The following BABAM2 variants were observed in gnomAD, a reference collection of about 807,000 sequenced individuals.
BABAM2 encodes BRISC and BRCA1-A complex member 2.
Under a neutral mutation model 54.7 loss-of-function variants are expected in BABAM2, and 31 were observed. The ratio of observed to expected loss-of-function variants is 0.57; its 90% CI spans 0.43 to 0.77. The LOEUF is 0.77. Among genes scored for constraint, BABAM2 ranks in the 30% least tolerant of loss-of-function variants. The probability of loss-of-function intolerance (pLI) is 0.00; values close to 1 mark genes in which losing one functional copy is unlikely to be tolerated. For synonymous variants in BABAM2, 167 were observed against 162.9 expected (o/e 1.03, Z -0.19); for missense variants, 364 against 455.8 (o/e 0.80, Z 1.83).
chr2:28,197,889 G>C (rs1448453202), intron 7 of BABAM2, among the ~76,000 whole-genome samples: 1 of 152,142 alleles, frequency 6.6e-6, no homozygotes, highest in Admixed American at 6.6e-5. Context: ...AGAAAACCCA[G>C]ACATCTACCT....
At chr2:27,918,369 A>G (rs964486092) in intron 2 of BABAM2, among the ~76,000 whole-genome samples, 4 of 152,190 alleles carry the variant, frequency 2.6e-5, no homozygotes, top group South Asian at 4.1e-4. Context: ...TTCACTTAGC[A>G]TAAGGTCCTC....
intron 7 of BABAM2, among the ~76,000 whole-genome samples, 188 bp from the exon 8 acceptor site, chr2:28,237,014 T>C (rs1438303063): frequency 6.6e-6 from 1 of 152,214 alleles, no homozygotes; most frequent in Admixed American, 6.5e-5. Context: ...AATGCAAACA[T>C]GCTAATTTAT....
intron 10 of BABAM2, among the ~76,000 whole-genome samples, chr2:28,297,352 C>G (rs1480832686): frequency 2.0e-5 from 3 of 152,184 alleles, no homozygotes; most frequent in Non-Finnish European, 2.9e-5. Context: ...CCCTGTAAAT[C>G]TAGAAAATTC....
chr2:28,032,344 T>C (rs1676357127), intron 5 of BABAM2, among the ~76,000 whole-genome samples: 1 of 152,204 alleles, frequency 6.6e-6, no homozygotes, highest in Non-Finnish European at 1.5e-5. Context: ...TGTTACCATG[T>C]AGAAGAGGAA....
chr2:28,035,601 G>A (rs1035962757), intron 5 of BABAM2, among the ~76,000 whole-genome samples: 81 of 152,168 alleles, frequency 5.3e-4, no homozygotes, highest in African/African-American at 1.8e-3. Context: ...TTAACCACAC[G>A]GAACTGTTAG....
At chr2:28,248,512 T>A (rs924134978) in intron 10 of BABAM2, among the ~76,000 whole-genome samples, 1 of 152,022 alleles carries the variant, frequency 6.6e-6, no homozygotes, top group Non-Finnish European at 1.5e-5. Context: ...CCTGGTCCAC[T>A]AGTAGCTTTT....
intron 6 of BABAM2, among the ~76,000 whole-genome samples, chr2:28,106,428 T>G (rs991422894): frequency 3.3e-5 from 5 of 152,244 alleles, no homozygotes; most frequent in East Asian, 3.8e-4. Flanking sequence ...TAGAATCATG[T>G]GTGATTTTAG....
intron 6 of BABAM2, among the ~76,000 whole-genome samples, chr2:28,052,702 GC>G (rs1369128868): frequency 6.6e-6 from 1 of 152,186 alleles, no homozygotes; most frequent in Non-Finnish European, 1.5e-5. Flanking sequence ...GCCTGGAAAA[GC>G]CCATTTCAAG....
chr2:28,225,783 A>G (rs1680828935), intron 7 of BABAM2, among the ~76,000 whole-genome samples: 1 of 151,890 alleles, frequency 6.6e-6, no homozygotes, highest in Admixed American at 6.6e-5. Context: ...CCCTTGCCTG[A>G]AAAAAGCTAA....
chr2:28,022,135 G>A (rs1173565266), intron 4 of BABAM2, among the ~76,000 whole-genome samples: 2 of 152,342 alleles, frequency 1.3e-5, no homozygotes, highest in South Asian at 2.1e-4. Context: ...GTGATGGAGT[G>A]TATTTACGAG....
chr2:28,296,430 G>A (rs767490549), intron 10 of BABAM2, among the ~76,000 whole-genome samples: 11 of 152,076 alleles, frequency 7.2e-5, no homozygotes, highest in Non-Finnish European at 1.3e-4. Flanking sequence ...TCTGACTGTC[G>A]TGTGATTCAT....
At chr2:28,295,161 T>A (rs1687581821) in intron 10 of BABAM2, among the ~76,000 whole-genome samples, 1 of 152,172 alleles carries the variant, frequency 6.6e-6, no homozygotes, top group Non-Finnish European at 1.5e-5. Context: ...TTTTAGCATA[T>A]TAAAATATTA....
chr2:28,292,114 A>T (rs1687329682), intron 10 of BABAM2, among the ~76,000 whole-genome samples: 1 of 152,224 alleles, frequency 6.6e-6, no homozygotes, highest in Admixed American at 6.5e-5. Context: ...CACAAAGCGC[A>T]TCTATGAGTA....
chr2:28,105,300 C>A (rs958706967), intron 6 of BABAM2, among the ~76,000 whole-genome samples: 6 of 152,202 alleles, frequency 3.9e-5, no homozygotes, highest in African/African-American at 1.4e-4. Flanking sequence ...CCTGGACTTA[C>A]CCACTGATGA....
chr2:28,041,131 G>C (rs1405717801), intron 5 of BABAM2, among the ~76,000 whole-genome samples: 2 of 152,154 alleles, frequency 1.3e-5, no homozygotes, highest in African/African-American at 4.8e-5. Context: ...ATATGTACAA[G>C]AGTTATTTTA....
At chr2:27,998,719 C>A (rs1673354133) in intron 4 of BABAM2, among the ~76,000 whole-genome samples, 1 of 152,114 alleles carries the variant, frequency 6.6e-6, no homozygotes, top group South Asian at 2.1e-4. Flanking sequence ...CATCTTTCCC[C>A]TTACTGTGAA....
At chr2:28,199,913 T>C (rs772767162) in intron 7 of BABAM2, among the ~76,000 whole-genome samples, 3 of 152,188 alleles carry the variant, frequency 2.0e-5, no homozygotes, top group Admixed American at 6.5e-5. Flanking sequence ...GGACGGTTCC[T>C]AACACCTGTT....
chr2:27,942,888 T>C (rs544217709), intron 3 of BABAM2, among the ~76,000 whole-genome samples: 1 of 152,132 alleles, frequency 6.6e-6, no homozygotes, highest in East Asian at 1.9e-4. Context: ...ACTGCAGCTC[T>C]GACCTCACTG....
intron 4 of BABAM2, among the ~76,000 whole-genome samples, chr2:28,014,420 A>G (rs986131644): frequency 6.6e-6 from 1 of 152,220 alleles, no homozygotes; most frequent in African/African-American, 2.4e-5. Context: ...GCAAATCACC[A>G]TGTTTTACCG....
Sources: gnomAD v4.1 joint callset for allele counts (sites outside exome capture counted in the v4.1 genomes callset) on GRCh38, gnomAD v4.1.1 for gene constraint, MANE v1.5 for transcripts, NCBI Gene and HGNC (gene_info 2026-07-23, HGNC 2026-07-21) for gene names.